CEP135: variants seen among roughly 807,000 people sequenced by gnomAD.
CEP135 encodes centrosomal protein 135.
Under a neutral mutation model 157.3 loss-of-function variants are expected in CEP135, and 142 were observed. The observed-to-expected ratio is 0.90, with a 90% CI of 0.79 to 1.04. The LOEUF (loss-of-function observed/expected upper bound fraction) is 1.04, where lower values mean the gene tolerates loss of function less well. Ranked by LOEUF, CEP135 falls within the 50% of genes least tolerant of loss-of-function variation. The probability of loss-of-function intolerance (pLI) is 0.00; values close to 1 mark genes in which losing one functional copy is unlikely to be tolerated. For missense variants in CEP135, 1,317 were observed against 1,309.2 expected (o/e 1.01, Z -0.09); for synonymous variants, 396 against 439.8 (o/e 0.90, Z 1.25).
In CEP135 at chr4:55,959,743, G is replaced by T; in HGVS notation, c.676G>T (p.Gly226Trp). The T allele has an allele frequency of 6.2e-7, 1 of 1,613,944 alleles. No homozygotes were observed. Among genetic ancestry groups the T allele is most frequent in the South Asian group, 1.1e-5 (1 of 91,080 alleles). Residue 226 changes from glycine (G) to tryptophan (W), a missense_variant, in exon 6 of 26, where the codon GGG becomes TGG. Gly to Trp is a radical substitution (Grantham distance 184). Coordinates refer to ENST00000257287, the MANE Select transcript of CEP135 (RefSeq NM_025009.5). ...AGAAAAGTTAGCAATGATGGAAAGT[G>T]GGGTGAGAGACTATAGCAAGCAGGT... ...LQEKLAMMES[G>W]VRDYSKQIEL...
chr4:55,951,986 CA>C lies in CEP135; in HGVS notation c.-45-94del, dbSNP rs1295233142. On this transcript the variant is annotated intron_variant, in intron 1 of 25. Transcript: ENST00000257287. ...AGAAGGCTACCTACCTGAAGAAAAACAAAAAATAATTGCTTCATATTAAAAT... is the reference window on the plus strand; with the variant it reads ...AGAAGGCTACCTACCTGAAGAAAAACAAAAATAATTGCTTCATATTAAAAT... 1.0e-5 allele frequency: 5 copies of C among 489,626 alleles called. No individual in the cohort carries two copies. The East Asian group carries it at 1.6e-4, about 15-fold the overall frequency. 30.3% of individuals were successfully genotyped at this position (489,626 alleles called of 1,614,324 possible).
rs914673669 is a variant in CEP135, at chr4:55,976,283, T to C, written c.1473+1314T>C. On this transcript the variant is annotated intron_variant, in intron 11 of 25. Transcript: ENST00000257287. The stretch of plus-strand genomic sequence containing the variant: ...GAAAGAAAGAAAAAGAATGAATTGG[T>C]GGGAAAATGCAGTACAGGTTATTAA... Among the ~76,000 whole-genome samples, 7 of 150,660 alleles carry C rather than the reference T, an allele frequency of 4.6e-5. 1 individual carries two copies. In the South Asian group the frequency reaches 1.5e-3, roughly 32 times the overall value.
At chr4:55,986,649 C>T (rs1354261574) in intron 14 of CEP135, among the ~76,000 whole-genome samples, 3 of 152,096 alleles carry the variant, frequency 2.0e-5, no homozygotes, top group African/African-American at 7.2e-5. Context: ...TGGTATGTTT[C>T]TGTTTTTATA....
chr4:56,024,572 C>A lies in CEP135; in HGVS notation c.3392C>A (p.Pro1131His), dbSNP rs1279033979. Reference protein sequence around the residue: ...TPPLSSTLRSPSHSPEHRNV With the variant: ...TPPLSSTLRSHSHSPEHRNV Reference sequence around the variant, plus strand: ...CCCCTTAGTTCCACTCTGAGGTCTCCTTCACATTCTCCTGAACATAGAAAT... The same window carrying A: ...CCCCTTAGTTCCACTCTGAGGTCTCATTCACATTCTCCTGAACATAGAAAT... Residue 1131 changes from proline (P) to histidine (H), a missense_variant, in exon 25 of 26, where the codon CCT (proline) becomes CAT (histidine). By Grantham distance (77) the Pro-to-His change is moderately conservative (BLOSUM62 -2). Transcript: ENST00000257287. 2 of 1,613,316 alleles carry A rather than the reference C, an allele frequency of 1.2e-6. No individual in the cohort carries two copies. The highest frequency in any genetic ancestry group is 1.7e-6 in the Non-Finnish European group (2 of 1,179,500).
chr4:55,964,269 T>A lies in CEP135; in HGVS notation c.700-5T>A. 3 of 1,604,676 alleles carry A rather than the reference T, an allele frequency of 1.9e-6. No homozygotes were observed. Among genetic ancestry groups the A allele is most frequent in the Non-Finnish European group, 2.5e-6 (3 of 1,176,768 alleles). On this transcript the variant is annotated splice_region_variant and splice_polypyrimidine_tract_variant and intron_variant, in intron 6 of 25. Coordinates refer to ENST00000257287, the MANE Select transcript of CEP135 (RefSeq NM_025009.5). ...TTTAAAATGACAGCATGACTATATCTTCAGATTGAGCTAAGAGAACGAGAG... is the reference window on the plus strand; with the variant it reads ...TTTAAAATGACAGCATGACTATATCATCAGATTGAGCTAAGAGAACGAGAG...
intron 11 of CEP135, among the ~76,000 whole-genome samples, chr4:55,977,711 T>C (rs1293532593): frequency 6.6e-6 from 1 of 152,250 alleles, no homozygotes; most frequent in Non-Finnish European, 1.5e-5. Flanking sequence ...CTTTTAGCAA[T>C]TTTGAAGTAT....
intron 10 of CEP135, among the ~76,000 whole-genome samples, 176 bp from the exon 11 acceptor site, chr4:55,974,570 T>TC (rs978070269): frequency 2.6e-5 from 4 of 152,204 alleles, no homozygotes; most frequent in Non-Finnish European, 4.4e-5. Context: ...TGCTTTTTTT[T>TC]CCCTTCTTTC....
At position 56,020,790 on chromosome 4, in the gene CEP135, A is replaced by T. The variant is rs768685578; in HGVS notation, c.3320+10A>T. 1.4e-5 allele frequency: 22 copies of T among 1,596,868 alleles called. No individual in the cohort carries two copies. Among genetic ancestry groups the T allele is most frequent in the Non-Finnish European group, 1.7e-5 (20 of 1,167,398 alleles). ...CTGAAAGATACGAACGGTAAGACAA[A>T]TTTTTTTTACATTTGACAATGTTTT... On this transcript the variant is annotated intron_variant, in intron 24 of 25. Transcript: ENST00000257287.
chr4:55,956,152 A>G (rs1372275631), intron 4 of CEP135, among the ~76,000 whole-genome samples: 3 of 152,164 alleles, frequency 2.0e-5, no homozygotes, highest in Non-Finnish European at 4.4e-5. Flanking sequence ...AGGTCATTTA[A>G]ATACTTTTGG....
At chr4:56,004,038 A>T (rs1332034923) in intron 17 of CEP135, among the ~76,000 whole-genome samples, 1 of 152,094 alleles carries the variant, frequency 6.6e-6, no homozygotes, top group Non-Finnish European at 1.5e-5. Flanking sequence ...TTTGATACAG[A>T]CATTTATTGC....
chr4:55,992,158 G>A, intron 15 of CEP135, 73 bp downstream of exon 15: 1 of 1,460,276 alleles, frequency 6.8e-7, no homozygotes, highest in Non-Finnish European at 9.3e-7. Flanking sequence ...TATAATCATG[G>A]CATTTTGGAC....
intron 19 of CEP135, 64 bp from the exon 20 acceptor site, chr4:56,011,348 A>G (rs1730574550): frequency 3.7e-6 from 4 of 1,071,322 alleles, no homozygotes; most frequent in East Asian, 5.1e-5. Context: ...AATTATTTGA[A>G]TATAAATAAA....
chr4:56,012,840 C>G (rs1730632255), intron 21 of CEP135, among the ~76,000 whole-genome samples: 1 of 152,190 alleles, frequency 6.6e-6, no homozygotes, highest in South Asian at 2.1e-4. Flanking sequence ...GTGAATAATG[C>G]TGCTATGAAC....
At chr4:56,014,955 G>A (rs888685810) in intron 21 of CEP135, among the ~76,000 whole-genome samples, 22 of 152,040 alleles carry the variant, frequency 1.4e-4, no homozygotes, top group African/African-American at 5.3e-4. Flanking sequence ...AGCTACTTGG[G>A]GGGCTGAGCC....
At chr4:56,030,350 C>A (rs28440794) in intron 25 of CEP135, among the ~76,000 whole-genome samples, 108 of 152,312 alleles carry the variant, frequency 7.1e-4, no homozygotes, top group African/African-American at 2.6e-3. Flanking sequence ...GTTTTCAGTT[C>A]TGTTATAATC....
intron 17 of CEP135, among the ~76,000 whole-genome samples, chr4:56,007,996 T>C (rs896902817): frequency 2.0e-5 from 3 of 152,224 alleles, no homozygotes; most frequent in African/African-American, 7.2e-5. Context: ...CATGTAGAAG[T>C]TTCTAAGACC....
Position 56,011,887 on chromosome 4 carries a change from G to A in CEP135, c.2704G>A (p.Gly902Arg), listed in dbSNP as rs1730597641. 6.2e-7 allele frequency: 1 copy of A among 1,607,200 alleles called. No homozygotes were observed. Among genetic ancestry groups the A allele is most frequent in the Non-Finnish European group, 8.5e-7 (1 of 1,176,552 alleles). ...DWEVKAHQAE[G>R]ESSSVRLELL... ...GGAGGTCAAAGCCCATCAAGCTGAG[G>A]GAGAAAGCAGCTCAGTTCGACTGGA... Residue 902 changes from glycine (G) to arginine (R), a missense_variant, in exon 21 of 26, where the codon GGA becomes AGA. Gly to Arg is a moderately radical substitution (Grantham distance 125). Transcript: ENST00000257287.
At chr4:55,960,072 T>C in intron 6 of CEP135, 1 of 479,526 alleles carries the variant, frequency 2.1e-6, no homozygotes, top group Non-Finnish European at 3.6e-6. Flanking sequence ...TTCTCTTCAC[T>C]ATTCATTGAG....
At position 56,032,178 on chromosome 4, in the gene CEP135, C is replaced by T. The variant is rs1346995821; in HGVS notation, c.*830C>T. ...ATATGGGGTAGGCCGGGTGCAGTGGCTCACGCCTGTAATCCCAGCACTTTG... is the reference window on the plus strand; with the variant it reads ...ATATGGGGTAGGCCGGGTGCAGTGGTTCACGCCTGTAATCCCAGCACTTTG... On this transcript the variant is annotated 3_prime_UTR_variant, in exon 26 of 26. Coordinates refer to ENST00000257287, the MANE Select transcript of CEP135 (RefSeq NM_025009.5). 1 of 152,272 alleles carries T rather than the reference C, an allele frequency of 6.6e-6. No homozygotes were observed. Among genetic ancestry groups the T allele is most frequent in the Non-Finnish European group, 1.5e-5 (1 of 68,098 alleles). 9.4% of individuals were successfully genotyped at this position (152,272 alleles called of 1,614,324 possible).
Sources: allele counts gnomAD v4.1 joint callset (sites outside exome capture counted in the v4.1 genomes callset), GRCh38; gene constraint gnomAD v4.1.1; transcripts MANE v1.5; gene names NCBI Gene and HGNC (gene_info 2026-07-23, HGNC 2026-07-21).